The following CADPS2 variants were observed in gnomAD, a reference collection of about 807,000 sequenced individuals.
The protein encoded by CADPS2 is calcium dependent secretion activator 2.
A neutral mutation model predicts 172.5 loss-of-function variants in CADPS2; 93 were observed. The ratio of observed to expected loss-of-function variants is 0.54; its 90% CI spans 0.46 to 0.64. The LOEUF is 0.64. Ranked by LOEUF, CADPS2 falls within the 30% of genes least tolerant of loss-of-function variation. The pLI, the probability that CADPS2 is intolerant of heterozygous loss-of-function variation, is 0.00. For missense variants in CADPS2, 1,420 were observed against 1,565.9 expected (o/e 0.91, Z 1.57); for synonymous variants, 546 against 555.2 (o/e 0.98, Z 0.23).
At chr7:122,768,904 G>A (rs1057371106) in intron 1 of CADPS2, among the ~76,000 whole-genome samples, 2 of 151,768 alleles carry the variant, frequency 1.3e-5, no homozygotes, top group Non-Finnish European at 2.9e-5. Flanking sequence ...AGCTTAAAAC[G>A]GAAAATGTAG....
rs777129168 is a variant in CADPS2 at position 122,702,104 on chromosome 7, C to T, written c.453+34851G>A. The T allele has an allele frequency of 6.2e-6, 10 of 1,613,522 alleles. No individual in the cohort carries two copies. The African/African-American group carries it at 9.3e-5, about 15-fold the overall frequency. On this transcript the variant is annotated intron_variant, in intron 2 of 29. Transcript: ENST00000449022. ...CCTCCTGGTGAAAGAATTGGGCACT[C>T]TAGGTGTAAGTCTCCAGACGCAATC... is the stretch of plus-strand genomic sequence containing the variant.
intron 7 of CADPS2, among the ~76,000 whole-genome samples, chr7:122,568,112 C>CT (rs2066704549): frequency 6.6e-6 from 1 of 151,800 alleles, no homozygotes; most frequent in Non-Finnish European, 1.5e-5. Context: ...CAAAAGAAAG[C>CT]TGGGGGCTGG....
intron 5 of CADPS2, among the ~76,000 whole-genome samples, chr7:122,617,365 T>C (rs532660704): frequency 1.3e-5 from 2 of 152,298 alleles, no homozygotes; most frequent in East Asian, 3.9e-4. Flanking sequence ...TAATTAGTGA[T>C]AAAGACAGCC....
intron 17 of CADPS2, among the ~76,000 whole-genome samples, chr7:122,434,014 G>A (rs2050318343): frequency 1.3e-5 from 2 of 152,172 alleles, no homozygotes; most frequent in Admixed American, 1.3e-4. Flanking sequence ...CCAGCTGGCT[G>A]AGTTATTTAC....
chr7:122,651,753 T>C (rs1393360636), intron 3 of CADPS2, among the ~76,000 whole-genome samples: 2 of 152,164 alleles, frequency 1.3e-5, no homozygotes, highest in African/African-American at 4.8e-5. Context: ...TAATGAAAGC[T>C]GCTTTTGGCA....
At chr7:122,780,171 AAAATAT>A (rs1177611530) in intron 1 of CADPS2, among the ~76,000 whole-genome samples, 4 of 152,272 alleles carry the variant, frequency 2.6e-5, no homozygotes, top group East Asian at 3.9e-4. Context: ...ATTTTACATA[AAAATAT>A]AAATATAATC....
At chr7:122,817,161 A>G (rs1203427416) in intron 1 of CADPS2, among the ~76,000 whole-genome samples, 1 of 152,174 alleles carries the variant, frequency 6.6e-6, no homozygotes, top group African/African-American at 2.4e-5. Flanking sequence ...TGGTCTCTTC[A>G]AACGGACGCA....
intron 12 of CADPS2, among the ~76,000 whole-genome samples, chr7:122,476,540 A>G (rs1161104143): frequency 3.3e-5 from 5 of 152,320 alleles, no homozygotes; most frequent in Admixed American, 1.3e-4. Context: ...TCCAAACTAT[A>G]TATCTGCTAA....
intron 1 of CADPS2, among the ~76,000 whole-genome samples, chr7:122,816,948 C>CA (rs1359721247): frequency 6.6e-6 from 1 of 151,744 alleles, no homozygotes; most frequent in Non-Finnish European, 1.5e-5. Context: ...CATCCTGGCT[C>CA]AAAAAGCACC....
chr7:122,387,052 G>A lies in CADPS2; in HGVS notation c.3286C>T (p.Leu1096Phe), dbSNP rs749194312. ...LVDAKKQSTK[L>F]CALDGGQEQQ... ...TCTTGTCCTCCATCCAGGGCACAGA[G>A]TTTGGTGCTTTGCTTTTTGGCATCG... The change falls in exon 24 of 30, where the codon CTC becomes TTC. Residue 1096 changes from leucine to phenylalanine, a missense_variant. By Grantham distance (22) the Leu-to-Phe change is conservative. Coordinates refer to ENST00000449022, the MANE Select transcript of CADPS2 (RefSeq NM_017954.11). The A allele has an allele frequency of 7.7e-6, 12 of 1,559,328 alleles. No individual in the cohort carries two copies. The highest frequency in any genetic ancestry group is 1.0e-5 in the Non-Finnish European group (12 of 1,150,036).
intron 2 of CADPS2, among the ~76,000 whole-genome samples, chr7:122,715,776 C>G (rs2089506533): frequency 6.6e-6 from 1 of 151,778 alleles, no homozygotes; most frequent in Non-Finnish European, 1.5e-5. Flanking sequence ...AAGTAAAAAC[C>G]CCACATGGTC....
chr7:122,797,371 C>A (rs117083436), intron 1 of CADPS2, among the ~76,000 whole-genome samples: 4,043 of 152,226 alleles, frequency 0.027, 85 homozygotes, highest in Non-Finnish European at 0.04. Context: ...GAATATAAAT[C>A]ATTCTATTAA....
intron 6 of CADPS2, among the ~76,000 whole-genome samples, chr7:122,594,768 C>A (rs1042455982): frequency 4.6e-5 from 7 of 151,650 alleles, no homozygotes; most frequent in Non-Finnish European, 8.8e-5. Context: ...AAATTGGTCA[C>A]ATCTTGGCTT....
chr7:122,857,831 G>A (rs1162445670), intron 1 of CADPS2, among the ~76,000 whole-genome samples: 1 of 152,142 alleles, frequency 6.6e-6, no homozygotes, highest in Non-Finnish European at 1.5e-5. Flanking sequence ...AGTTCTTAAG[G>A]ATGGTGTGTC....
At chr7:122,885,935 A>G in intron 1 of CADPS2, 64 bp downstream of exon 1, 2 of 1,537,628 alleles carry the variant, frequency 1.3e-6, no homozygotes, top group Non-Finnish European at 1.8e-6. Flanking sequence ...GGCGTCCCAG[A>G]GCTCTCCCGG....
At chr7:122,603,664 C>T (rs532332026) in intron 6 of CADPS2, among the ~76,000 whole-genome samples, 1 of 152,218 alleles carries the variant, frequency 6.6e-6, no homozygotes, top group African/African-American at 2.4e-5. Context: ...AGTAACACAG[C>T]TAATCTGTGG....
At chr7:122,634,475 ATC>A (rs1265699659) in intron 3 of CADPS2, among the ~76,000 whole-genome samples, 1 of 152,172 alleles carries the variant, frequency 6.6e-6, no homozygotes, top group Non-Finnish European at 1.5e-5. Flanking sequence ...TTTCAAAATA[ATC>A]TCTGAGGATC....
intron 4 of CADPS2, among the ~76,000 whole-genome samples, chr7:122,623,726 T>C (rs148789727): frequency 6.6e-6 from 1 of 152,292 alleles, no homozygotes; most frequent in East Asian, 1.9e-4. Flanking sequence ...GCTTATTAAT[T>C]ATGCGTTGAA....
chr7:122,558,486 T>G (rs1207507104), intron 7 of CADPS2, among the ~76,000 whole-genome samples: 3 of 152,148 alleles, frequency 2.0e-5, no homozygotes, highest in Admixed American at 2.0e-4. Context: ...ACTTTAAATG[T>G]CTTGTCAGCA....
Sources: allele counts gnomAD v4.1 joint callset (sites outside exome capture counted in the v4.1 genomes callset), GRCh38; gene constraint gnomAD v4.1.1; transcripts MANE v1.5; gene names NCBI Gene and HGNC (gene_info 2026-07-23, HGNC 2026-07-21).